The following NDFIP2 variants were observed in gnomAD, a reference collection of about 807,000 sequenced individuals.
NDFIP2 encodes NEDD4 family-interacting protein 2.
NDFIP2 carries 19 observed loss-of-function variants against 36.0 expected under a neutral mutation model. The observed-to-expected ratio is 0.53, with a 90% CI of 0.37 to 0.77. The LOEUF is 0.77. NDFIP2 is among the 30% of genes least tolerant of loss of function. The pLI, the probability that NDFIP2 is intolerant of heterozygous loss-of-function variation, is 0.00. For synonymous variants in NDFIP2, 181 were observed against 167.7 expected (o/e 1.08, Z -0.61); for missense variants, 446 against 435.8 (o/e 1.02, Z -0.21).
In NDFIP2 at chr13:79,553,757, A is replaced by G. The variant is rs1035293730; in HGVS notation, c.*1244A>G. On this transcript the variant is annotated 3_prime_UTR_variant, in exon 8 of 8. Coordinates refer to ENST00000218652, the MANE Select transcript of NDFIP2 (RefSeq NM_019080.3). ...TAGCCACTATTATAACTGGAATTTA[A>G]TTTACATTCATAAACTACTATATTT... 2.0e-5 allele frequency: 3 copies of G among 151,892 alleles called. No individual in the cohort carries two copies. Among genetic ancestry groups the G allele is most frequent in the Non-Finnish European group, 4.4e-5 (3 of 67,544 alleles). The allele number at this position is 151,892 out of a possible 1,614,324, so 9.4% of individuals were successfully genotyped here. A position where few individuals can be genotyped will look rare whatever the true frequency, so the allele number is the denominator to read the frequency against.
intron 1 of NDFIP2, among the ~76,000 whole-genome samples, chr13:79,496,956 G>A (rs191871622): frequency 8.0e-4 from 121 of 152,016 alleles, no homozygotes; most frequent in Non-Finnish European, 1.4e-3. Flanking sequence ...TTCCTGAAAC[G>A]TAGTTGTAAT....
At chr13:79,545,198 G>T (rs1385203236) in intron 5 of NDFIP2, among the ~76,000 whole-genome samples, 3 of 152,108 alleles carry the variant, frequency 2.0e-5, no homozygotes, top group African/African-American at 7.2e-5. Context: ...ATGATATGAG[G>T]ACTGTTTTCT....
chr13:79,496,462 A>G (rs1386080601), intron 1 of NDFIP2, among the ~76,000 whole-genome samples: 4 of 151,842 alleles, frequency 2.6e-5, no homozygotes, highest in African/African-American at 9.7e-5. Context: ...CACAGGCTGC[A>G]TCTAGTAACT....
At chr13:79,525,422 G>GT (rs963386177) in intron 2 of NDFIP2, among the ~76,000 whole-genome samples, 58 of 151,470 alleles carry the variant, frequency 3.8e-4, no homozygotes, top group African/African-American at 1.3e-3. Context: ...CTCAGCCTAC[G>GT]TTTTTTTTCT....
At chr13:79,486,405 G>A (rs1463371042) in intron 1 of NDFIP2, among the ~76,000 whole-genome samples, 1 of 152,130 alleles carries the variant, frequency 6.6e-6, no homozygotes, top group Admixed American at 6.5e-5. Context: ...GTATTGTTGT[G>A]TATTTATCAA....
At chr13:79,489,487 T>A (rs1378305759) in intron 1 of NDFIP2, among the ~76,000 whole-genome samples, 2 of 152,176 alleles carry the variant, frequency 1.3e-5, no homozygotes, top group Non-Finnish European at 2.9e-5. Flanking sequence ...GAATTCCATC[T>A]GTCAGTGGGG....
chr13:79,531,668 A>C (rs893047361), intron 2 of NDFIP2, among the ~76,000 whole-genome samples: 1 of 152,182 alleles, frequency 6.6e-6, no homozygotes, highest in Non-Finnish European at 1.5e-5. Context: ...CCAGCTGCCA[A>C]CTTTTCTTCT....
At chr13:79,533,617 TTAAA>T (rs1875107973) in intron 3 of NDFIP2, among the ~76,000 whole-genome samples, 161 bp downstream of exon 3, 1 of 152,194 alleles carries the variant, frequency 6.6e-6, no homozygotes, top group African/African-American at 2.4e-5. Context: ...GCAGATTGTT[TTAAA>T]TAAATATATT....
rs1875988477 is a variant in NDFIP2 at position 79,553,589 on chromosome 13, A to C, written c.*1076A>C. On this transcript the variant is annotated 3_prime_UTR_variant, in exon 8 of 8. Transcript: ENST00000218652. ...TTAGCAAATAAAATCTTGTACTATG[A>C]ATAGCTTCTTGCTTTATGACTTTAG... The C allele has an allele frequency of 6.6e-6, 1 of 151,860 alleles. No homozygotes were observed. Among genetic ancestry groups the C allele is most frequent in the Non-Finnish European group, 1.5e-5 (1 of 67,508 alleles). The allele number at this position is 151,860 out of a possible 1,614,324, so 9.4% of individuals were successfully genotyped here. A position where few individuals can be genotyped will look rare whatever the true frequency, so the allele number is the denominator to read the frequency against.
At chr13:79,494,212 A>C (rs1388776804) in intron 1 of NDFIP2, among the ~76,000 whole-genome samples, 1 of 152,036 alleles carries the variant, frequency 6.6e-6, no homozygotes, top group Non-Finnish European at 1.5e-5. Flanking sequence ...ATCTTGGGCC[A>C]ACTATTCTAT....
At chr13:79,533,489 TTA>T in intron 3 of NDFIP2, 33 bp downstream of exon 3, 1 of 1,553,376 alleles carries the variant, frequency 6.4e-7, no homozygotes, top group Non-Finnish European at 8.7e-7. Flanking sequence ...TTTGATAAAA[TTA>T]TTTTCGTTAA....
At chr13:79,504,072 T>G (rs140180944) in intron 1 of NDFIP2, among the ~76,000 whole-genome samples, 1 of 152,166 alleles carries the variant, frequency 6.6e-6, no homozygotes, top group South Asian at 2.1e-4. Flanking sequence ...GCTGAAGGTA[T>G]AGAGGAGTTA....
At chr13:79,501,388 G>A (rs1233170915) in intron 1 of NDFIP2, among the ~76,000 whole-genome samples, 2 of 151,974 alleles carry the variant, frequency 1.3e-5, no homozygotes, top group African/African-American at 4.8e-5. Flanking sequence ...TAATGGGGGA[G>A]GCTTTGCCTG....
rs1875948921 is a variant in NDFIP2 at position 79,552,575 on chromosome 13, A to T, written c.*62A>T. The stretch of plus-strand genomic sequence containing the variant: ...TGTGAAATTTCCAGATCATCTGTAA[A>T]CCTACAACTTTAATAGAAGACTACT... On this transcript the variant is annotated 3_prime_UTR_variant, in exon 8 of 8. Coordinates refer to ENST00000218652, the MANE Select transcript of NDFIP2 (RefSeq NM_019080.3). The T allele has an allele frequency of 6.6e-6, 1 of 151,862 alleles. No homozygotes were observed. The highest frequency in any genetic ancestry group is 6.6e-5 in the Admixed American group (1 of 15,182). The allele number at this position is 151,862 out of a possible 1,614,324, so 9.4% of individuals were successfully genotyped here. A position where few individuals can be genotyped will look rare whatever the true frequency, so the allele number is the denominator to read the frequency against.
chr13:79,521,987 G>A (rs542531249), intron 2 of NDFIP2, among the ~76,000 whole-genome samples: 1 of 152,000 alleles, frequency 6.6e-6, no homozygotes, highest in Admixed American at 6.6e-5. Context: ...ACCACGCCTG[G>A]CTAATTTCAT....
At chr13:79,484,455 A>G (rs1256166354) in intron 1 of NDFIP2, among the ~76,000 whole-genome samples, 1 of 152,248 alleles carries the variant, frequency 6.6e-6, no homozygotes, top group Non-Finnish European at 1.5e-5. Flanking sequence ...ACTGTATTTC[A>G]GAATGATAGT....
chr13:79,484,232 C>G (rs2140727222), intron 1 of NDFIP2, among the ~76,000 whole-genome samples: 1 of 152,160 alleles, frequency 6.6e-6, no homozygotes, highest in East Asian at 1.9e-4. Flanking sequence ...CCAGGCTGGT[C>G]TCGAACTCCT....
At chr13:79,543,789 C>A in intron 5 of NDFIP2, 107 bp downstream of exon 5, 1 of 1,375,928 alleles carries the variant, frequency 7.3e-7, no homozygotes, top group South Asian at 1.4e-5. Flanking sequence ...TCAGTTATTT[C>A]AAGGCTTATT....
In NDFIP2 at chr13:79,516,748, T is replaced by C. The variant is rs149229731; in HGVS notation, c.322-4062T>C. ...AAGAAACAAGAAGAGGTCACATTGC[T>C]GGCTGACCCACCAGACTCTAATGTA... On this transcript the variant is annotated intron_variant, in intron 1 of 7. Transcript: ENST00000218652. Among the ~76,000 whole-genome samples, 483 of 152,312 alleles carry C rather than the reference T, an allele frequency of 3.2e-3. 6 individuals are homozygous for C. Among genetic ancestry groups the C allele is most frequent in the African/African-American group, 0.011 (460 of 41,572 alleles).
Sources: allele counts gnomAD v4.1 joint callset (sites outside exome capture counted in the v4.1 genomes callset), GRCh38; gene constraint gnomAD v4.1.1; transcripts MANE v1.5; gene names NCBI Gene and HGNC (gene_info 2026-07-23, HGNC 2026-07-21).